The following SGCZ variants were observed in gnomAD, a reference collection of about 807,000 sequenced individuals.
The protein encoded by SGCZ is sarcoglycan zeta.
A neutral mutation model predicts 41.3 loss-of-function variants in SGCZ; 40 were observed. The ratio of observed to expected loss-of-function variants is 0.97; its 90% CI spans 0.75 to 1.26. SGCZ has a LOEUF of 1.26. SGCZ is among the 50% of genes most tolerant of loss of function. The pLI is 0.00. For synonymous variants in SGCZ, 206 were observed against 137.5 expected (o/e 1.50, Z -3.49); for missense variants, 552 against 369.8 (o/e 1.49, Z -4.04).
chr8:14,850,061 A>G lies in SGCZ; in HGVS notation c.40-295135T>C, dbSNP rs73535070. ...GTTATACCCATTCGCTCTCTTCTAT[A>G]TATAGGCTGAAATATATCTCTCTTT... On this transcript the variant is annotated intron_variant, in intron 1 of 7. Coordinates refer to ENST00000382080, the MANE Select transcript of SGCZ (RefSeq NM_139167.4). Among the ~76,000 whole-genome samples, 1,284 of 152,288 alleles carry G rather than the reference A, an allele frequency of 8.4e-3. 20 individuals are homozygous for G. Among genetic ancestry groups the G allele is most frequent in the African/African-American group, 0.029 (1,202 of 41,560 alleles).
chr8:15,033,889 C>A (rs1008350568), intron 1 of SGCZ, among the ~76,000 whole-genome samples: 2 of 152,170 alleles, frequency 1.3e-5, no homozygotes, highest in Admixed American at 6.5e-5. Context: ...CCAAAGGACT[C>A]CCACATCAAG....
chr8:14,219,438 G>A (rs552138296), intron 4 of SGCZ, among the ~76,000 whole-genome samples: 1 of 152,274 alleles, frequency 6.6e-6, no homozygotes, highest in Non-Finnish European at 1.5e-5. Context: ...CTGCACGTTG[G>A]ACAACCAGCA....
chr8:14,794,288 A>T (rs1801050560), intron 1 of SGCZ, among the ~76,000 whole-genome samples: 2 of 152,180 alleles, frequency 1.3e-5, no homozygotes, highest in Admixed American at 6.5e-5. Context: ...AATAGAGAAG[A>T]TTCAGGAAAA....
At chr8:15,067,087 A>G (rs1277754979) in intron 1 of SGCZ, among the ~76,000 whole-genome samples, 1 of 152,228 alleles carries the variant, frequency 6.6e-6, no homozygotes, top group East Asian at 1.9e-4. Flanking sequence ...ACCTATGTAG[A>G]TGATTGTGTG....
chr8:14,278,675 T>C (rs945301419), intron 3 of SGCZ, among the ~76,000 whole-genome samples: 1 of 152,174 alleles, frequency 6.6e-6, no homozygotes, highest in African/African-American at 2.4e-5. Flanking sequence ...AAATTGCCAT[T>C]GATTTGATAT....
At chr8:14,650,531 A>C (rs994516694) in intron 1 of SGCZ, among the ~76,000 whole-genome samples, 1 of 151,602 alleles carries the variant, frequency 6.6e-6, no homozygotes, top group Non-Finnish European at 1.5e-5. Context: ...GGTAGGCCCC[A>C]GTGTCTGCTG....
At chr8:14,736,556 A>C (rs549765795) in intron 1 of SGCZ, among the ~76,000 whole-genome samples, 132 of 152,118 alleles carry the variant, frequency 8.7e-4, no homozygotes, top group Non-Finnish European at 1.3e-3. Flanking sequence ...GTGATTTGTA[A>C]GATCCTGGTG....
chr8:14,799,765 C>T (rs928436661), intron 1 of SGCZ, among the ~76,000 whole-genome samples: 1 of 152,050 alleles, frequency 6.6e-6, no homozygotes, highest in East Asian at 1.9e-4. Context: ...TCTCTAAAAC[C>T]TCATGCCCCT....
chr8:14,569,235 A>C (rs1243301841), intron 1 of SGCZ, among the ~76,000 whole-genome samples: 1 of 152,192 alleles, frequency 6.6e-6, no homozygotes, highest in Non-Finnish European at 1.5e-5. Flanking sequence ...CAGTATTTTA[A>C]TTCATTGCAG....
chr8:14,765,793 G>A lies in SGCZ; in HGVS notation c.40-210867C>T, dbSNP rs144035499. ...CATCAAATGCGTGTGCGCAGACACAGTAAAAATCCCAACTATCACACAGCC... is the reference window on the plus strand; with the variant it reads ...CATCAAATGCGTGTGCGCAGACACAATAAAAATCCCAACTATCACACAGCC... On this transcript the variant is annotated intron_variant, in intron 1 of 7. Transcript: ENST00000382080. 2.5e-3 allele frequency among the ~76,000 whole-genome samples: 377 copies of A among 152,266 alleles called. 3 individuals are homozygous for A. Among genetic ancestry groups the A allele is most frequent in the African/African-American group, 8.7e-3 (360 of 41,560 alleles).
At chr8:14,213,775 T>C (rs1805897851) in intron 4 of SGCZ, among the ~76,000 whole-genome samples, 1 of 152,142 alleles carries the variant, frequency 6.6e-6, no homozygotes, top group Non-Finnish European at 1.5e-5. Flanking sequence ...GATATTTAAA[T>C]ATTTAAGAAA....
chr8:14,533,727 G>A (rs1036199970), intron 2 of SGCZ, among the ~76,000 whole-genome samples: 3 of 151,836 alleles, frequency 2.0e-5, no homozygotes, highest in African/African-American at 7.3e-5. Flanking sequence ...GTAATTCATG[G>A]CAGATGATAA....
At chr8:14,313,148 G>GGAA (rs1563251171) in intron 3 of SGCZ, among the ~76,000 whole-genome samples, 17 of 152,238 alleles carry the variant, frequency 1.1e-4, no homozygotes, top group African/African-American at 4.1e-4. Flanking sequence ...GTATGCTAAT[G>GGAA]TCTACTTCCT....
intron 1 of SGCZ, among the ~76,000 whole-genome samples, chr8:14,643,618 T>C (rs931242262): frequency 3.2e-4 from 49 of 151,682 alleles, no homozygotes; most frequent in African/African-American, 1.2e-3. Flanking sequence ...ACCTATTCCC[T>C]CATAACTATA....
intron 4 of SGCZ, among the ~76,000 whole-genome samples, chr8:14,218,232 T>G (rs368075421): frequency 6.6e-6 from 1 of 152,208 alleles, no homozygotes; most frequent in Non-Finnish European, 1.5e-5. Context: ...ATTATTAAAA[T>G]GTATGTGTAT....
At position 14,830,044 on chromosome 8, in the gene SGCZ, T is replaced by G. The variant is rs560674530; in HGVS notation, c.40-275118A>C. Among the ~76,000 whole-genome samples the G allele has an allele frequency of 2.0e-5, 3 of 152,178 alleles. No homozygotes were observed. In the East Asian group the frequency reaches 5.8e-4, roughly 29 times the overall value. ...AGCCAGGGGTCTCGATCGCCTGACC[T>G]CGTGATCTGCACGCCTTGGCCTCCC... On this transcript the variant is annotated intron_variant, in intron 1 of 7. Coordinates refer to ENST00000382080, the MANE Select transcript of SGCZ (RefSeq NM_139167.4).
At chr8:14,383,057 G>C (rs570939226) in intron 2 of SGCZ, among the ~76,000 whole-genome samples, 2 of 152,206 alleles carry the variant, frequency 1.3e-5, no homozygotes, top group East Asian at 1.9e-4. Flanking sequence ...CTCATGTTTT[G>C]TTCCCAAAAT....
chr8:14,222,950 T>C (rs1407494893), intron 4 of SGCZ, among the ~76,000 whole-genome samples: 1 of 151,716 alleles, frequency 6.6e-6, no homozygotes, highest in South Asian at 2.1e-4. Context: ...TAGCTAAGAT[T>C]ACAGGCACGT....
intron 1 of SGCZ, among the ~76,000 whole-genome samples, chr8:15,219,302 A>T (rs917091351): frequency 1.1e-4 from 17 of 152,192 alleles, no homozygotes; most frequent in African/African-American, 4.1e-4. Flanking sequence ...ACATATAAGT[A>T]TGTGATTTGT....
Sources: gnomAD v4.1 joint callset for allele counts (sites outside exome capture counted in the v4.1 genomes callset) on GRCh38, gnomAD v4.1.1 for gene constraint, MANE v1.5 for transcripts, NCBI Gene and HGNC (gene_info 2026-07-23, HGNC 2026-07-21) for gene names.